NCAPH2: variants seen among roughly 807,000 people sequenced by gnomAD.
NCAPH2 encodes condensin-2 complex subunit H2.
In NCAPH2, 56 loss-of-function variants were observed where a neutral mutation model predicts 88.6. The observed-to-expected ratio is 0.63, with a 90% CI of 0.51 to 0.79. The LOEUF (loss-of-function observed/expected upper bound fraction) is 0.79, where lower values mean the gene tolerates loss of function less well. Ranked by LOEUF, NCAPH2 falls within the 30% of genes least tolerant of loss-of-function variation. NCAPH2 has a pLI of 0.00. For missense variants in NCAPH2, 794 were observed against 792.0 expected, an observed-to-expected ratio of 1.00 and a Z score of -0.03; for synonymous variants, 378 against 313.6, an observed-to-expected ratio of 1.21 and a Z score of -2.17.
chr22:50,512,983 C>G (rs1167722422), intron 1 of NCAPH2, among the ~76,000 whole-genome samples: 1 of 152,248 alleles, frequency 6.6e-6, no homozygotes, highest in Non-Finnish European at 1.5e-5. Context: ...TGATAATCCC[C>G]ACTATGGTAG....
chr22:50,521,711 G>T, intron 11 of NCAPH2, 30 bp from the exon 12 acceptor site: 1 of 1,612,976 alleles, frequency 6.2e-7, no homozygotes, highest in Non-Finnish European at 8.5e-7. Context: ...ATCCCCCAGC[G>T]GCTCTAAGAC....
Position 50,519,269 on chromosome 22 carries a change from C to T in NCAPH2, c.810C>T (p.Ala270=). The stretch of plus-strand genomic sequence containing the variant: ...AGGAGGCAGTAGAGCTTCCTGAGGC[C>T]TCGGCCCCCAAGGCCGCTCTGGAGC... ...DAEEAVELPE[A]SAPKAALEPK... is the part of the protein sequence containing the mutation. Residue 270 remains alanine (A), a synonymous_variant, in exon 9 of 20, where the codon GCC becomes GCT. Coordinates refer to ENST00000420993, the MANE Select transcript of NCAPH2 (RefSeq NM_152299.4). The T allele has an allele frequency of 1.2e-6, 2 of 1,607,528 alleles. No individual in the cohort carries two copies. The highest frequency in any genetic ancestry group is 1.7e-6 in the Non-Finnish European group (2 of 1,177,722).
chr22:50,516,952 C>T (rs564000047), intron 2 of NCAPH2, among the ~76,000 whole-genome samples: 10 of 152,336 alleles, frequency 6.6e-5, no homozygotes, highest in South Asian at 4.1e-4. Context: ...AAGTGAGTGA[C>T]GGGCTCTGTC....
Position 50,517,779 on chromosome 22 carries a change from C to T in NCAPH2, c.390C>T (p.Asn130=), listed in dbSNP as rs748498506. 107 of 1,613,864 alleles carry T rather than the reference C, an allele frequency of 6.6e-5. No individual in the cohort carries two copies. Among genetic ancestry groups the T allele is most frequent in the Non-Finnish European group, 8.1e-5 (95 of 1,180,040 alleles). Residue 130 remains asparagine (N), a synonymous_variant, in exon 5 of 20, where the codon AAC becomes AAT. Coordinates refer to ENST00000420993, the MANE Select transcript of NCAPH2 (RefSeq NM_152299.4). ...ATGACTTCCCTGACTCCCGGACTAACGTGGATCTCAAGAATGATCAGACGC... is the reference window on the plus strand; with the variant it reads ...ATGACTTCCCTGACTCCCGGACTAATGTGGATCTCAAGAATGATCAGACGC... The part of the protein sequence containing the change: ...SLDDFPDSRT[N]VDLKNDQTPS...
intron 7 of NCAPH2, 28 bp from the exon 8 acceptor site, chr22:50,518,621 G>A (rs1204356091): frequency 6.3e-7 from 1 of 1,578,448 alleles, no homozygotes; most frequent in Non-Finnish European, 8.6e-7. Flanking sequence ...GGGCTGGGCT[G>A]ACCTTGTCTG....
chr22:50,524,759 A>G lies in NCAPH2; in HGVS notation c.*1384A>G. 6.2e-6 allele frequency: 3 copies of G among 483,068 alleles called. No individual in the cohort carries two copies. The highest frequency in any genetic ancestry group is 3.3e-5 in the South Asian group (2 of 60,866). 29.9% of individuals were successfully genotyped at this position (483,068 alleles called of 1,614,324 possible). A position where few individuals can be genotyped will look rare whatever the true frequency, so the allele number is the denominator to read the frequency against. On this transcript the variant is annotated 3_prime_UTR_variant, in exon 20 of 20. Coordinates refer to ENST00000420993, the MANE Select transcript of NCAPH2 (RefSeq NM_152299.4). ...GAACTAACCACGTTATCTATTTGCA[A>G]TAAACCCATTTCTTAAAAGGAGGTG...
In NCAPH2 at chr22:50,514,070, G is replaced by C. The variant is rs1239355532; in HGVS notation, c.109-2377G>C. Among the ~76,000 whole-genome samples, 5 of 152,322 alleles carry C rather than the reference G, an allele frequency of 3.3e-5. No homozygotes were observed. The East Asian group carries it at 9.7e-4, about 29-fold the overall frequency. On this transcript the variant is annotated intron_variant, in intron 1 of 19. Transcript: ENST00000420993. ...TGCAGTGAGCTGAGATTGCGCCCCTGCATTCCAGCTTGGGTGACAGAGTGA... is the reference window on the plus strand; with the variant it reads ...TGCAGTGAGCTGAGATTGCGCCCCTCCATTCCAGCTTGGGTGACAGAGTGA...
Position 50,523,397 on chromosome 22 carries a change from G to C in NCAPH2, c.*22G>C. 6.5e-7 allele frequency: 1 copy of C among 1,532,652 alleles called. No individual in the cohort carries two copies. Among genetic ancestry groups the C allele is most frequent in the Non-Finnish European group, 8.8e-7 (1 of 1,138,668 alleles). 94.9% of individuals were successfully genotyped at this position (1,532,652 alleles called of 1,614,324 possible). On this transcript the variant is annotated 3_prime_UTR_variant, in exon 20 of 20. Transcript: ENST00000420993. ...CTGAGTGGGGAGCACCGAGGCAGGG[G>C]TGGGGGAATGTGTACTGAGGAGCCG...
At chr22:50,515,071 G>C (rs1569520244) in intron 1 of NCAPH2, among the ~76,000 whole-genome samples, 1 of 152,256 alleles carries the variant, frequency 6.6e-6, no homozygotes, top group East Asian at 1.9e-4. Context: ...GTCAGGCACT[G>C]AACAGAAGGC....
At chr22:50,512,478 T>C (rs1016295021) in intron 1 of NCAPH2, among the ~76,000 whole-genome samples, 1 of 152,160 alleles carries the variant, frequency 6.6e-6, no homozygotes, top group African/African-American at 2.4e-5. Context: ...TTTCTAGTAT[T>C]ATCTTTTTCC....
intron 1 of NCAPH2, among the ~76,000 whole-genome samples, chr22:50,510,520 C>A (rs1037448900): frequency 6.6e-6 from 1 of 151,912 alleles, no homozygotes; most frequent in Non-Finnish European, 1.5e-5. Context: ...CTCCGACTCC[C>A]AGGTTCAAGC....
At chr22:50,521,248 G>A (rs987678704) in intron 10 of NCAPH2, among the ~76,000 whole-genome samples, 6 of 152,176 alleles carry the variant, frequency 3.9e-5, no homozygotes, top group African/African-American at 1.2e-4. Flanking sequence ...GAGTGTGGTC[G>A]GCTCTGCCCC....
At chr22:50,521,188 C>A in intron 10 of NCAPH2, 152 bp downstream of exon 10, 1 of 823,394 alleles carries the variant, frequency 1.2e-6, no homozygotes, top group Non-Finnish European at 1.9e-6. Flanking sequence ...CCTCATGCGA[C>A]TCTGGGCTCC....
At position 50,523,413 on chromosome 22, in the gene NCAPH2, T is replaced by C. The variant is rs138882378; in HGVS notation, c.*38T>C. On this transcript the variant is annotated 3_prime_UTR_variant, in exon 20 of 20. Transcript: ENST00000420993. Reference sequence around the variant, plus strand: ...GAGGCAGGGGTGGGGGAATGTGTACTGAGGAGCCGTGTGTCTGCTCCTGGC... The same window carrying C: ...GAGGCAGGGGTGGGGGAATGTGTACCGAGGAGCCGTGTGTCTGCTCCTGGC... 3.3e-4 allele frequency: 501 copies of C among 1,526,888 alleles called. 6 individuals are homozygous for C. In the African/African-American group the frequency reaches 5.6e-3, roughly 17 times the overall value. The allele number at this position is 1,526,888 out of a possible 1,614,324, so 94.6% of individuals were successfully genotyped here.
chr22:50,515,753 C>G, intron 1 of NCAPH2: 3 of 1,295,388 alleles, frequency 2.3e-6, no homozygotes, highest in Non-Finnish European at 3.0e-6. Context: ...AGGAGATGAG[C>G]CAGCGTTGGG....
rs776675670 is a variant in NCAPH2, at chr22:50,518,043, C to T, written c.491C>T (p.Pro164Leu). 2.5e-6 allele frequency: 4 copies of T among 1,614,068 alleles called. No homozygotes were observed. The South Asian group carries it at 3.3e-5, about 13-fold the overall frequency. Residue 164 changes from proline (P) to leucine (L), a missense_variant, in exon 6 of 20, where the codon CCC becomes CTC. Physicochemically the swap from Pro to Leu is moderately conservative, Grantham distance 98 (BLOSUM62 -3). Transcript: ENST00000420993. ...APDEMEKNNN[P>L]LYSRQGEVLA... ...GATGAAATGGAGAAGAACAACAATC[C>T]CCTGTACAGGTAGGGATCTGAGCCC... is the stretch of plus-strand genomic sequence containing the variant.
At chr22:50,509,125 G>A (rs1268513238) in intron 1 of NCAPH2, among the ~76,000 whole-genome samples, 5 of 151,880 alleles carry the variant, frequency 3.3e-5, no homozygotes, top group African/African-American at 1.2e-4. Flanking sequence ...CTATTTCATT[G>A]CCTGATTTTT....
chr22:50,512,348 C>T (rs939318227), intron 1 of NCAPH2, among the ~76,000 whole-genome samples: 1 of 152,238 alleles, frequency 6.6e-6, no homozygotes, highest in African/African-American at 2.4e-5. Context: ...TCACATCAAG[C>T]AGGGTCCATG....
chr22:50,518,132 G>T lies in NCAPH2; in HGVS notation c.501-1G>T. 6.2e-7 allele frequency: 1 copy of T among 1,613,976 alleles called. No homozygotes were observed. The highest frequency in any genetic ancestry group is 8.5e-7 in the Non-Finnish European group (1 of 1,179,940). On this transcript the variant is annotated splice_acceptor_variant, in intron 6 of 19. Coordinates refer to ENST00000420993, the MANE Select transcript of NCAPH2 (RefSeq NM_152299.4). LOFTEE classifies it high-confidence loss of function. ...CAGCAGGCGTGTTTTTGCCAGCACAGCCGTCAGGGTGAGGTCCTGGCCAGC... is the reference window on the plus strand; with the variant it reads ...CAGCAGGCGTGTTTTTGCCAGCACATCCGTCAGGGTGAGGTCCTGGCCAGC...
Sources: gnomAD v4.1 joint callset for allele counts (sites outside exome capture counted in the v4.1 genomes callset) on GRCh38, gnomAD v4.1.1 for gene constraint, MANE v1.5 for transcripts, NCBI Gene and HGNC (gene_info 2026-07-23, HGNC 2026-07-21) for gene names.